The following MYO3A variants were observed in gnomAD, a reference collection of about 807,000 sequenced individuals.
MYO3A encodes myosin-IIIa.
MYO3A carries 180 observed loss-of-function variants against 192.7 expected under a neutral mutation model. The ratio of observed to expected loss-of-function variants is 0.93; its 90% CI spans 0.83 to 1.06. The LOEUF is 1.06. Ranked by LOEUF, MYO3A falls within the 50% of genes least tolerant of loss-of-function variation. The pLI, the probability that MYO3A is intolerant of heterozygous loss-of-function variation, is 0.00. For missense variants in MYO3A, 1,896 were observed against 1,905.0 expected (o/e 1.00, Z 0.09); for synonymous variants, 628 against 645.3 (o/e 0.97, Z 0.41).
At chr10:26,003,347 T>C (rs1191724991) in intron 6 of MYO3A, among the ~76,000 whole-genome samples, 1 of 152,210 alleles carries the variant, frequency 6.6e-6, no homozygotes, top group East Asian at 1.9e-4. Flanking sequence ...GAGGTGCCTC[T>C]TTATGTTTCC....
chr10:25,951,469 G>A (rs1837204829), intron 2 of MYO3A, among the ~76,000 whole-genome samples: 1 of 152,136 alleles, frequency 6.6e-6, no homozygotes, highest in South Asian at 2.1e-4. Context: ...AGAAGCCACA[G>A]GCAGAGGGGG....
intron 17 of MYO3A, among the ~76,000 whole-genome samples, chr10:26,101,506 A>G (rs1837449462): frequency 6.6e-6 from 1 of 152,110 alleles, no homozygotes; most frequent in African/African-American, 2.4e-5. Flanking sequence ...GGTCTTTACA[A>G]TTTGGCATGT....
At chr10:25,985,543 T>A (rs1839600933) in intron 4 of MYO3A, among the ~76,000 whole-genome samples, 1 of 152,006 alleles carries the variant, frequency 6.6e-6, no homozygotes, top group Non-Finnish European at 1.5e-5. Flanking sequence ...ATACAAAAGA[T>A]TATTCAAGGA....
intron 10 of MYO3A, among the ~76,000 whole-genome samples, chr10:26,057,369 G>A (rs559262820): frequency 6.6e-6 from 1 of 152,240 alleles, no homozygotes; most frequent in Non-Finnish European, 1.5e-5. Flanking sequence ...CAAATTAGTA[G>A]GGTTAACCCT....
At chr10:26,140,292 G>A (rs755945444) in intron 20 of MYO3A, among the ~76,000 whole-genome samples, 3 of 152,178 alleles carry the variant, frequency 2.0e-5, no homozygotes, top group African/African-American at 7.2e-5. Flanking sequence ...TGGAATGGCC[G>A]TTTGGCCCTA....
intron 17 of MYO3A, among the ~76,000 whole-genome samples, chr10:26,108,685 T>C (rs1837978038): frequency 6.6e-6 from 1 of 152,202 alleles, no homozygotes; most frequent in African/African-American, 2.4e-5. Flanking sequence ...ATAGGGAAAT[T>C]CTGCTCTTGG....
intron 31 of MYO3A, among the ~76,000 whole-genome samples, chr10:26,190,719 A>G (rs1843086186): frequency 6.6e-6 from 1 of 152,214 alleles, no homozygotes. Flanking sequence ...ATGAAGGGTC[A>G]GAGACAACAG....
chr10:26,204,235 T>C (rs2132219631), intron 34 of MYO3A: 1 of 152,312 alleles, frequency 6.6e-6, no homozygotes, highest in South Asian at 2.1e-4. Context: ...GCCAGAAAGA[T>C]TAAGTGATTT....
At chr10:26,162,984 C>T (rs531526516) in intron 26 of MYO3A, among the ~76,000 whole-genome samples, 6 of 152,320 alleles carry the variant, frequency 3.9e-5, no homozygotes, top group East Asian at 3.9e-4. Flanking sequence ...GATGAAAGGG[C>T]GCGCAAGCGT....
At chr10:25,983,166 A>C (rs2130806612) in intron 4 of MYO3A, among the ~76,000 whole-genome samples, 1 of 152,220 alleles carries the variant, frequency 6.6e-6, no homozygotes, top group South Asian at 2.1e-4. Flanking sequence ...TTCACTTGAA[A>C]GTCTCAGCAA....
At chr10:26,127,361 G>A (rs1839276617) in intron 19 of MYO3A, among the ~76,000 whole-genome samples, 1 of 152,092 alleles carries the variant, frequency 6.6e-6, no homozygotes, top group Non-Finnish European at 1.5e-5. Flanking sequence ...CAAAGAGATT[G>A]TAAAAGGATA....
chr10:26,068,817 ACG>A lies in MYO3A; in HGVS notation c.1104_1105del (p.Val369LeufsTer10). 2 of 1,599,906 alleles carry A rather than the reference ACG, an allele frequency of 1.3e-6. No individual in the cohort carries two copies. Among genetic ancestry groups the A allele is most frequent in the Non-Finnish European group, 1.7e-6 (2 of 1,167,176 alleles). Reference sequence around the variant, plus strand: ...AAGTGTTATTCCAGAGATCAGATCTACGTCTATGTGGGAGACATACTCATTGC... The same window carrying A: ...AAGTGTTATTCCAGAGATCAGATCTATCTATGTGGGAGACATACTCATTGC... On this transcript the variant is annotated frameshift_variant, in exon 12 of 35. Coordinates refer to ENST00000642920, the MANE Select transcript of MYO3A (RefSeq NM_017433.5). LOFTEE classifies it high-confidence loss of function.
chr10:25,999,161 G>A (rs1840630753), intron 6 of MYO3A, among the ~76,000 whole-genome samples: 1 of 152,132 alleles, frequency 6.6e-6, no homozygotes, highest in Non-Finnish European at 1.5e-5. Flanking sequence ...GCCTCCCAAA[G>A]GGCTGGGATT....
At chr10:26,012,210 C>T (rs562390359) in intron 6 of MYO3A, among the ~76,000 whole-genome samples, 79 of 152,188 alleles carry the variant, frequency 5.2e-4, no homozygotes, top group African/African-American at 1.9e-3. Flanking sequence ...CCCACTTTCA[C>T]CACCCCTATT....
At chr10:26,024,114 C>T (rs764144248) in intron 9 of MYO3A, 27 bp downstream of exon 9, 3 of 1,574,306 alleles carry the variant, frequency 1.9e-6, no homozygotes, top group Non-Finnish European at 2.6e-6. Context: ...TTTTAAAAAA[C>T]CAAAGATATT....
intron 6 of MYO3A, among the ~76,000 whole-genome samples, chr10:26,006,668 G>A (rs1285824907): frequency 5.9e-4 from 90 of 151,632 alleles, no homozygotes; most frequent in African/African-American, 1.7e-3. Flanking sequence ...ACACCCTCCC[G>A]AGACTAAACC....
chr10:26,143,701 C>T, intron 21 of MYO3A, 100 bp downstream of exon 21: 2 of 1,424,876 alleles, frequency 1.4e-6, no homozygotes, highest in Non-Finnish European at 2.0e-6. Flanking sequence ...AAGAAAATAG[C>T]TGTCACAAAG....
intron 15 of MYO3A, among the ~76,000 whole-genome samples, chr10:26,093,887 C>A (rs764536718): frequency 6.6e-6 from 1 of 152,140 alleles, no homozygotes; most frequent in Non-Finnish European, 1.5e-5. Context: ...TCCCATAGCC[C>A]TTTTCTTTTG....
chr10:25,947,343 T>G (rs1836907549), intron 2 of MYO3A, among the ~76,000 whole-genome samples: 1 of 151,380 alleles, frequency 6.6e-6, no homozygotes, highest in Admixed American at 6.6e-5. Flanking sequence ...TCTATCTCTA[T>G]TCTCTGAAAA....
Sources: gnomAD v4.1 joint callset for allele counts (sites outside exome capture counted in the v4.1 genomes callset) on GRCh38, gnomAD v4.1.1 for gene constraint, MANE v1.5 for transcripts, NCBI Gene and HGNC (gene_info 2026-07-23, HGNC 2026-07-21) for gene names.